The following DHH variants were observed in gnomAD, a reference collection of about 807,000 sequenced individuals.
DHH encodes desert hedgehog protein.
Under a neutral mutation model 27.6 loss-of-function variants are expected in DHH, and 16 were observed. That is an observed-to-expected ratio of 0.58 (90% CI 0.39 to 0.88). The LOEUF is 0.88. Ranked by LOEUF, DHH falls within the 40% of genes least tolerant of loss-of-function variation. The probability of loss-of-function intolerance (pLI) is 0.00; values close to 1 mark genes in which losing one functional copy is unlikely to be tolerated. For synonymous variants in DHH, 289 were observed against 263.4 expected, an observed-to-expected ratio of 1.10 and a Z score of -0.94; for missense variants, 436 against 563.1, an observed-to-expected ratio of 0.77 and a Z score of 2.28.
In DHH at chr12:49,090,963, A is replaced by AGG. The variant is rs1218022956; in HGVS notation, c.565+164_565+165insCC. Among the ~76,000 whole-genome samples, 1 of 152,170 alleles carries AGG rather than the reference A, an allele frequency of 6.6e-6. No individual in the cohort carries two copies. Among genetic ancestry groups the AGG allele is most frequent in the African/African-American group, 2.4e-5 (1 of 41,440 alleles). The stretch of plus-strand genomic sequence containing the variant: ...GTGATCCGCCCTCCTTGGCCTCCCA[A>AGG]AGTGCTGGGATTAGAGGCGTGAGGC... On this transcript the variant is annotated intron_variant, in intron 2 of 2. Coordinates refer to ENST00000649637, the MANE Select transcript of DHH (RefSeq NM_021044.4). The surrounding 1 kb of genome is among the most constrained non-coding windows in gnomAD (Gnocchi z 5.2).
chr12:49,090,886 G>T lies in DHH; in HGVS notation c.565+242C>A, dbSNP rs764503829. On this transcript the variant is annotated intron_variant, in intron 2 of 2. Coordinates refer to ENST00000649637, the MANE Select transcript of DHH (RefSeq NM_021044.4). This position sits in a 1 kb window ranked among gnomAD's most constrained non-coding sequence, Gnocchi z 5.2. The stretch of plus-strand genomic sequence containing the variant: ...CCAACTAATTTTCGTATTTATAATA[G>T]AGACGGGATTTCACCATGTTGGCTA... 1.3e-5 allele frequency among the ~76,000 whole-genome samples: 2 copies of T among 152,110 alleles called. No individual in the cohort carries two copies. The highest frequency in any genetic ancestry group is 2.9e-5 in the Non-Finnish European group (2 of 68,008).
At chr12:49,093,116 C>G (rs1206061797) in intron 1 of DHH, 1 of 152,182 alleles carries the variant, frequency 6.6e-6, no homozygotes, top group Non-Finnish European at 1.5e-5. Context: ...CTAGTCCCAG[C>G]CATGCCACTT....
rs201597166 is a variant in DHH, at chr12:49,094,285, G to A, written c.228C>T (p.Asp76=). The change falls in exon 1 of 3, where the codon GAC becomes GAT. Residue 76 remains aspartate (D), a synonymous_variant. Coordinates refer to ENST00000649637, the MANE Select transcript of DHH (RefSeq NM_021044.4). ...RVARGSERFR[D]LVPNYNPDII... is the part of the protein sequence containing the mutation. ...TGTCGGGGTTGTAGTTGGGCACGAG[G>A]TCCCGGAAGCGCTCGGAGCCCCTTG... is the stretch of plus-strand genomic sequence containing the variant. 4.2e-4 allele frequency: 671 copies of A among 1,613,320 alleles called. 4 individuals are homozygous for A. The highest frequency in any genetic ancestry group is 7.5e-5 in the Non-Finnish European group (89 of 1,179,968).
At position 49,094,471 on chromosome 12, in the gene DHH, T is replaced by G; in HGVS notation, c.42A>C (p.Ala14=). 1 of 1,579,782 alleles carries G rather than the reference T, an allele frequency of 6.3e-7. No homozygotes were observed. Among genetic ancestry groups the G allele is most frequent in the Non-Finnish European group, 8.6e-7 (1 of 1,163,262 alleles). ...LTNLLPLCCL[A]LLALPAQSCG... is the part of the protein sequence containing the mutation. Reference sequence around the variant, plus strand: ...AGCTCTGGGCTGGCAGCGCCAGAAGTGCCAAGCAGCACAGGGGCAGTAGAT... The same window carrying G: ...AGCTCTGGGCTGGCAGCGCCAGAAGGGCCAAGCAGCACAGGGGCAGTAGAT... Residue 14 remains alanine (A), a synonymous_variant, in exon 1 of 3, where the codon GCA becomes GCC. Coordinates refer to ENST00000649637, the MANE Select transcript of DHH (RefSeq NM_021044.4).
rs1939352093 is a variant in DHH at position 49,094,098 on chromosome 12, T to G, written c.303+112A>C. On this transcript the variant is annotated intron_variant, in intron 1 of 2. Coordinates refer to ENST00000649637, the MANE Select transcript of DHH (RefSeq NM_021044.4). ...CCCCTGGGGCTGGTGACAAGGGAAA[T>G]CTCTAAGGCTAAACTCTCTGTAGGT... The G allele has an allele frequency of 1.1e-5, 14 of 1,270,624 alleles. No individual in the cohort carries two copies. The Admixed American group carries it at 2.7e-4, about 24-fold the overall frequency. The allele number at this position is 1,270,624 out of a possible 1,614,324, so 78.7% of individuals were successfully genotyped here. A position where few individuals can be genotyped will look rare whatever the true frequency, so the allele number is the denominator to read the frequency against.
chr12:49,091,511 C>T lies in DHH; in HGVS notation c.304-122G>A. ...CTTACCCCTCCCAGCTTTTGAGTGT[C>T]CTGGAGAAATGAGAATCTGAGTCGA... On this transcript the variant is annotated intron_variant, in intron 1 of 2. Coordinates refer to ENST00000649637, the MANE Select transcript of DHH (RefSeq NM_021044.4). This position sits in a 1 kb window ranked among gnomAD's most constrained non-coding sequence, Gnocchi z 4.8. 1 of 1,406,156 alleles carries T rather than the reference C, an allele frequency of 7.1e-7. No homozygotes were observed. The highest frequency in any genetic ancestry group is 9.7e-7 in the Non-Finnish European group (1 of 1,031,638). The allele number at this position is 1,406,156 out of a possible 1,614,324, so 87.1% of individuals were successfully genotyped here.
rs1296860039 is a variant in DHH at position 49,090,791 on chromosome 12, T to C, written c.566-307A>G. On this transcript the variant is annotated intron_variant, in intron 2 of 2. Coordinates refer to ENST00000649637, the MANE Select transcript of DHH (RefSeq NM_021044.4). The surrounding 1 kb of genome is among the most constrained non-coding windows in gnomAD (Gnocchi z 5.2). ...ATCTCGGCTCACTGCAACTTCTACC[T>C]CCCGGGTTCAAGTGATTCTCGTGCC... is the stretch of plus-strand genomic sequence containing the variant. Among the ~76,000 whole-genome samples, 1 of 152,128 alleles carries C rather than the reference T, an allele frequency of 6.6e-6. No individual in the cohort carries two copies. The highest frequency in any genetic ancestry group is 1.5e-5 in the Non-Finnish European group (1 of 68,028).
chr12:49,094,283 A>T lies in DHH; in HGVS notation c.230T>A (p.Leu77His). ...VARGSERFRD[L>H]VPNYNPDIIF... ...GATGTCGGGGTTGTAGTTGGGCACG[A>T]GGTCCCGGAAGCGCTCGGAGCCCCT... Residue 77 changes from leucine (L) to histidine (H), a missense_variant, in exon 1 of 3, where the codon CTC (leucine) becomes CAC (histidine). Physicochemically the swap from Leu to His is moderately conservative, Grantham distance 99. Coordinates refer to ENST00000649637, the MANE Select transcript of DHH (RefSeq NM_021044.4). 6.2e-7 allele frequency: 1 copy of T among 1,613,384 alleles called. No homozygotes were observed. The highest frequency in any genetic ancestry group is 8.5e-7 in the Non-Finnish European group (1 of 1,179,920).
At position 49,094,486 on chromosome 12, in the gene DHH, G is replaced by T. The variant is rs1939366141; in HGVS notation, c.27C>A (p.Pro9=). The change falls in exon 1 of 3, where the codon CCC becomes CCA. Residue 9 remains proline (P), a synonymous_variant. Transcript: ENST00000649637. ...GCGCCAGAAGTGCCAAGCAGCACAG[G>T]GGCAGTAGATTGGTCAGGAGAGCCA... is the stretch of plus-strand genomic sequence containing the variant. The part of the protein sequence containing the change: MALLTNLL[P]LCCLALLALP... 2 of 1,567,006 alleles carry T rather than the reference G, an allele frequency of 1.3e-6. No homozygotes were observed. Among genetic ancestry groups the T allele is most frequent in the East Asian group, 2.4e-5 (1 of 41,814 alleles).
In DHH at chr12:49,089,700, C is replaced by T; in HGVS notation, c.*159G>A. 1 of 942,182 alleles carries T rather than the reference C, an allele frequency of 1.1e-6. No individual in the cohort carries two copies. The highest frequency in any genetic ancestry group is 1.5e-6 in the Non-Finnish European group (1 of 671,150). The allele number at this position is 942,182 out of a possible 1,614,324, so 58.4% of individuals were successfully genotyped here. A position where few individuals can be genotyped will look rare whatever the true frequency, so the allele number is the denominator to read the frequency against. On this transcript the variant is annotated 3_prime_UTR_variant, in exon 3 of 3. Coordinates refer to ENST00000649637, the MANE Select transcript of DHH (RefSeq NM_021044.4). ...CCTAGGACCCGGTATCACCTCCTCT[C>T]AGTACGAGGTTGCCCCTAAGCCAGG...
In DHH at chr12:49,090,510, T is replaced by C. The variant is rs114857441; in HGVS notation, c.566-26A>G. 7 of 1,596,042 alleles carry C rather than the reference T, an allele frequency of 4.4e-6. No individual in the cohort carries two copies. The highest frequency in any genetic ancestry group is 1.7e-5 in the Admixed American group (1 of 59,678). On this transcript the variant is annotated intron_variant, in intron 2 of 2. Coordinates refer to ENST00000649637, the MANE Select transcript of DHH (RefSeq NM_021044.4). This position sits in a 1 kb window ranked among gnomAD's most constrained non-coding sequence, Gnocchi z 5.2. ...CTGCAGGGAACAACCACAGGGAGGATTGAATCAAGACCAGCGGTTCCAGAA... is the reference window on the plus strand; with the variant it reads ...CTGCAGGGAACAACCACAGGGAGGACTGAATCAAGACCAGCGGTTCCAGAA...
intron 1 of DHH, among the ~76,000 whole-genome samples, chr12:49,093,575 T>A (rs1939341151): frequency 6.6e-6 from 1 of 152,158 alleles, no homozygotes; most frequent in Non-Finnish European, 1.5e-5. Context: ...GTCCATCTGT[T>A]ATTCTCACTG....
In DHH at chr12:49,087,859, A is replaced by C. The variant is rs145842918; in HGVS notation, c.*2000T>G. On this transcript the variant is annotated 3_prime_UTR_variant, in exon 3 of 3. Coordinates refer to ENST00000649637, the MANE Select transcript of DHH (RefSeq NM_021044.4). ...AAGGCACCAGATCTGATAAAAAGAGACAAGGGCAGGTTTAGAAAGTAGGAA... is the reference window on the plus strand; with the variant it reads ...AAGGCACCAGATCTGATAAAAAGAGCCAAGGGCAGGTTTAGAAAGTAGGAA... 6.6e-6 allele frequency among the ~76,000 whole-genome samples: 1 copy of C among 152,248 alleles called. No homozygotes were observed. The highest frequency in any genetic ancestry group is 2.4e-5 in the African/African-American group (1 of 41,548).
At chr12:49,094,173 C>T (rs1441425676) in intron 1 of DHH, 37 bp downstream of exon 1, 1 of 1,611,680 alleles carries the variant, frequency 6.2e-7, no homozygotes, top group African/African-American at 1.3e-5. Flanking sequence ...GAGGAGCTGG[C>T]AGTGCCCCGG....
chr12:49,089,779 G>A lies in DHH; in HGVS notation c.*80C>T. On this transcript the variant is annotated 3_prime_UTR_variant, in exon 3 of 3. Coordinates refer to ENST00000649637, the MANE Select transcript of DHH (RefSeq NM_021044.4). Reference sequence around the variant, plus strand: ...CTCTCCCTCCCTTCCAGTCGGCATCGTCTGCTGCCCACAGCCCCATATCTC... The same window carrying A: ...CTCTCCCTCCCTTCCAGTCGGCATCATCTGCTGCCCACAGCCCCATATCTC... The A allele has an allele frequency of 7.1e-7, 1 of 1,400,886 alleles. No homozygotes were observed. The allele number at this position is 1,400,886 out of a possible 1,614,324, so 86.8% of individuals were successfully genotyped here. A position where few individuals can be genotyped will look rare whatever the true frequency, so the allele number is the denominator to read the frequency against.
intron 1 of DHH, chr12:49,093,294 AC>A (rs1341073555): frequency 1.3e-5 from 2 of 152,144 alleles, no homozygotes; most frequent in Non-Finnish European, 2.9e-5. Context: ...AGTGGCTCAC[AC>A]CTGTAATCCA....
chr12:49,090,071 G>A lies in DHH; in HGVS notation c.979C>T (p.Pro327Ser). ...AREEAVGVFA[P>S]LTAHGTLLVN... ...AGCAGCGTCCCGTGCGCGGTGAGCGGCGCGAACACGCCCACGGCTTCCTCC... is the reference window on the plus strand; with the variant it reads ...AGCAGCGTCCCGTGCGCGGTGAGCGACGCGAACACGCCCACGGCTTCCTCC... The change falls in exon 3 of 3, where the codon CCG (proline) becomes TCG (serine). Residue 327 changes from proline to serine, a missense_variant. Transcript: ENST00000649637. This position sits in a 1 kb window ranked among gnomAD's most constrained non-coding sequence, Gnocchi z 5.2. 6.5e-7 allele frequency: 1 copy of A among 1,538,198 alleles called. No homozygotes were observed. Among genetic ancestry groups the A allele is most frequent in the Non-Finnish European group, 8.7e-7 (1 of 1,143,154 alleles).
At position 49,091,751 on chromosome 12, in the gene DHH, C is replaced by G. The variant is rs1939308336; in HGVS notation, c.304-362G>C. The stretch of plus-strand genomic sequence containing the variant: ...TGGTCAGGGAGGGCCTGGTTGCTCC[C>G]GGAGAGCCCCTGTTTGAGCCTGGCC... On this transcript the variant is annotated intron_variant, in intron 1 of 2. Coordinates refer to ENST00000649637, the MANE Select transcript of DHH (RefSeq NM_021044.4). The surrounding 1 kb of genome is among the most constrained non-coding windows in gnomAD (Gnocchi z 4.8). Among the ~76,000 whole-genome samples, 1 of 152,170 alleles carries G rather than the reference C, an allele frequency of 6.6e-6. No individual in the cohort carries two copies.
rs1459350294 is a variant in DHH, at chr12:49,089,549, G to C, written c.*310C>G. The C allele has an allele frequency of 1.6e-5, 4 of 247,558 alleles. No homozygotes were observed. Among genetic ancestry groups the C allele is most frequent in the East Asian group, 7.3e-5 (1 of 13,692 alleles). The allele number at this position is 247,558 out of a possible 1,614,324, so 15.3% of individuals were successfully genotyped here. A position where few individuals can be genotyped will look rare whatever the true frequency, so the allele number is the denominator to read the frequency against. ...CCCAGCCCCTCACCTTGGCAAGCTG[G>C]GCAAGGGAATCATTATATTACAATT... On this transcript the variant is annotated 3_prime_UTR_variant, in exon 3 of 3. Coordinates refer to ENST00000649637, the MANE Select transcript of DHH (RefSeq NM_021044.4).
Sources: allele counts gnomAD v4.1 joint callset (sites outside exome capture counted in the v4.1 genomes callset), GRCh38; gene constraint gnomAD v4.1.1; non-coding constraint Gnocchi (gnomAD v3.1); transcripts MANE v1.5; gene names NCBI Gene and HGNC (gene_info 2026-07-23, HGNC 2026-07-21).